Variants in VPS4A observed in about 807,000 individuals in gnomAD.
The protein encoded by VPS4A is vacuolar protein sorting-associated protein 4A.
A neutral mutation model predicts 52.3 loss-of-function variants in VPS4A; 20 were observed. The ratio of observed to expected loss-of-function variants is 0.38; its 90% confidence interval spans 0.27 to 0.56. The LOEUF is 0.56. Ranked by LOEUF, VPS4A falls within the 20% of genes least tolerant of loss-of-function variation. The pLI is 0.72. For synonymous variants in VPS4A, 293 were observed against 227.7 expected (o/e 1.29, Z -2.58); for missense variants, 419 against 575.9 (o/e 0.73, Z 2.79).
chr16:69,319,102 G>A (rs977145491), intron 5 of VPS4A, among the ~76,000 whole-genome samples, 160 bp downstream of exon 5: 3 of 152,140 alleles, frequency 2.0e-5, no homozygotes, highest in African/African-American at 7.2e-5. Flanking sequence ...TGTGGCTGGA[G>A]CTATGAGATG....
rs1965458793 is a variant in VPS4A, at chr16:69,317,951, C to G, written c.282-699C>G. Among the ~76,000 whole-genome samples, 5 of 114,346 alleles carry G rather than the reference C, an allele frequency of 4.4e-5. No homozygotes were observed. In the South Asian group the frequency reaches 1.6e-3, roughly 37 times the overall value. The allele number at this position is 114,346 out of a possible 152,430, so 75.0% of individuals were successfully genotyped here. ...CATCGCACTCCAACCTGGGCACCAT[C>G]TCAAAAAAAAAAAAAAAAAAAAAAG... On this transcript the variant is annotated intron_variant, in intron 3 of 10. Coordinates refer to ENST00000254950, the MANE Select transcript of VPS4A (RefSeq NM_013245.3).
intron 1 of VPS4A, 107 bp from the exon 2 acceptor site, chr16:69,315,901 C>G (rs1018671487): frequency 7.8e-6 from 7 of 897,138 alleles, no homozygotes; most frequent in East Asian, 2.5e-5. Context: ...AGCAATAAAT[C>G]CACAGGCCCA....
intron 5 of VPS4A, among the ~76,000 whole-genome samples, 180 bp from the exon 6 acceptor site, chr16:69,319,207 G>C (rs999031390): frequency 4.6e-5 from 7 of 152,198 alleles, no homozygotes; most frequent in Non-Finnish European, 1.0e-4. Flanking sequence ...CACTGTGCAA[G>C]GTCATGGGGT....
Position 69,321,169 on chromosome 16 carries a change from C to G in VPS4A, c.970C>G (p.Arg324Gly). ...LTDANIHELA[R>G]KTEGYSGADI... ...GGATGCAAACATCCACGAGCTGGCCCGGAAGACGGAAGGCTACTCGGGCGC... is the reference window on the plus strand; with the variant it reads ...GGATGCAAACATCCACGAGCTGGCCGGGAAGACGGAAGGCTACTCGGGCGC... Residue 324 changes from arginine (R) to glycine (G), a missense_variant, in exon 9 of 11, where the codon CGG becomes GGG. By Grantham distance (125) the Arg-to-Gly change is moderately radical (BLOSUM62 -2). Transcript: ENST00000254950. This position sits in a 1 kb window ranked among gnomAD's most constrained non-coding sequence, Gnocchi z 4.5. The G allele has an allele frequency of 1.3e-6, 2 of 1,577,944 alleles. No homozygotes were observed. Among genetic ancestry groups the G allele is most frequent in the East Asian group, 2.4e-5 (1 of 42,552 alleles).
intron 1 of VPS4A, 59 bp from the exon 2 acceptor site, chr16:69,315,949 A>T: frequency 6.8e-7 from 1 of 1,462,258 alleles, no homozygotes; most frequent in Non-Finnish European, 9.5e-7. Flanking sequence ...CATGCCTGTG[A>T]CCCCAGGGAC....
intron 6 of VPS4A, 142 bp downstream of exon 6, chr16:69,319,685 G>A (rs549312887): frequency 2.4e-5 from 28 of 1,159,364 alleles, no homozygotes; most frequent in Admixed American, 8.0e-5. Context: ...CTAGCTTATC[G>A]GCTGGGACAC....
At chr16:69,315,008 T>C (rs1597211126) in intron 1 of VPS4A, among the ~76,000 whole-genome samples, 1 of 151,828 alleles carries the variant, frequency 6.6e-6, no homozygotes, top group African/African-American at 2.4e-5. Flanking sequence ...CCAAGGCGGG[T>C]GGATCACTTG....
Position 69,324,195 on chromosome 16 carries a change from G to T in VPS4A, c.1213-13G>T. On this transcript the variant is annotated splice_polypyrimidine_tract_variant and intron_variant, in intron 10 of 10. Transcript: ENST00000254950. ...CCTGGCTCCTGCTCAGGCACATACT[G>T]TTGCCTTCACAGTCGGACATGCTGC... is the stretch of plus-strand genomic sequence containing the variant. 1 of 1,610,850 alleles carries T rather than the reference G, an allele frequency of 6.2e-7. No individual in the cohort carries two copies. The highest frequency in any genetic ancestry group is 8.5e-7 in the Non-Finnish European group (1 of 1,178,454).
chr16:69,321,418 G>T lies in VPS4A; in HGVS notation c.1071+148G>T. The T allele has an allele frequency of 1.2e-6, 1 of 825,776 alleles. No homozygotes were observed. The highest frequency in any genetic ancestry group is 1.9e-6 in the Non-Finnish European group (1 of 535,736). The allele number at this position is 825,776 out of a possible 1,614,324, so 51.2% of individuals were successfully genotyped here. On this transcript the variant is annotated intron_variant, in intron 9 of 10. Coordinates refer to ENST00000254950, the MANE Select transcript of VPS4A (RefSeq NM_013245.3). The surrounding 1 kb of genome is among the most constrained non-coding windows in gnomAD (Gnocchi z 4.5). ...TGGAGAGCCGAGGGCCAGTGCCATG[G>T]GGGCTGCACCCACTGTCCCCTCCCT...
At chr16:69,311,681 C>T (rs558130574) in intron 1 of VPS4A, 149 bp downstream of exon 1, 7 of 862,960 alleles carry the variant, frequency 8.1e-6, no homozygotes, top group East Asian at 3.9e-5. Context: ...CGCTTCCGCC[C>T]GTGTCTGTTT....
In VPS4A at chr16:69,321,328, T is replaced by G; in HGVS notation, c.1071+58T>G. 6.6e-7 allele frequency: 1 copy of G among 1,516,594 alleles called. No individual in the cohort carries two copies. The highest frequency in any genetic ancestry group is 2.0e-5 in the Admixed American group (1 of 50,002). The allele number at this position is 1,516,594 out of a possible 1,614,324, so 93.9% of individuals were successfully genotyped here. A position where few individuals can be genotyped will look rare whatever the true frequency, so the allele number is the denominator to read the frequency against. On this transcript the variant is annotated intron_variant, in intron 9 of 10. Transcript: ENST00000254950. The surrounding 1 kb of genome is among the most constrained non-coding windows in gnomAD (Gnocchi z 4.5). ...TCATAGTAAGAGCGGGATGTTCGGT[T>G]TTTTTTTTCCCAGCTCCTGGTCCTG...
At position 69,321,587 on chromosome 16, in the gene VPS4A, G is replaced by A. The variant is rs1457662764; in HGVS notation, c.1071+317G>A. The A allele has an allele frequency of 4.2e-5, 16 of 376,742 alleles. No homozygotes were observed. The Admixed American group carries it at 5.3e-4, about 12-fold the overall frequency. The allele number at this position is 376,742 out of a possible 1,614,324, so 23.3% of individuals were successfully genotyped here. On this transcript the variant is annotated intron_variant, in intron 9 of 10. Transcript: ENST00000254950. This position sits in a 1 kb window ranked among gnomAD's most constrained non-coding sequence, Gnocchi z 4.5. ...GACACCAAATCAGTGTTTGGAAAGT[G>A]TTGGATATAAAATGACCAGGAAGAC...
Position 69,320,843 on chromosome 16 carries a change from G to T in VPS4A, c.851+74G>T. The T allele has an allele frequency of 6.8e-7, 1 of 1,461,732 alleles. No homozygotes were observed. The highest frequency in any genetic ancestry group is 9.4e-7 in the Non-Finnish European group (1 of 1,068,036). 90.5% of individuals were successfully genotyped at this position (1,461,732 alleles called of 1,614,324 possible). ...GGTCACGGTCCGCCTGCTGCTGGCA[G>T]CCCGGGTGCAGCCTGGCCCCTTTTC... On this transcript the variant is annotated intron_variant, in intron 8 of 10. Coordinates refer to ENST00000254950, the MANE Select transcript of VPS4A (RefSeq NM_013245.3). The surrounding 1 kb of genome is among the most constrained non-coding windows in gnomAD (Gnocchi z 4.2).
intron 1 of VPS4A, among the ~76,000 whole-genome samples, chr16:69,314,713 T>C (rs1965414919): frequency 6.6e-6 from 1 of 152,168 alleles, no homozygotes; most frequent in Non-Finnish European, 1.5e-5. Context: ...TCTGTGTGTG[T>C]TTCTTTCGGA....
intron 3 of VPS4A, 71 bp from the exon 4 acceptor site, chr16:69,318,579 T>TGGA (rs2143257434): frequency 6.5e-7 from 1 of 1,531,524 alleles, no homozygotes; most frequent in African/African-American, 1.4e-5. Flanking sequence ...CAGCGGAGCC[T>TGGA]GGACTTGCTG....
In VPS4A at chr16:69,319,551, G is replaced by A. The variant is rs767390864; in HGVS notation, c.620+8G>A. ...GCTGGGGGAGAGTGAAAAGTAAGTC[G>A]GCCACCAGGCCATGCTCTGCCAGCA... is the stretch of plus-strand genomic sequence containing the variant. On this transcript the variant is annotated splice_region_variant and intron_variant, in intron 6 of 10. Coordinates refer to ENST00000254950, the MANE Select transcript of VPS4A (RefSeq NM_013245.3). 2.2e-5 allele frequency: 36 copies of A among 1,607,394 alleles called. No individual in the cohort carries two copies. Among genetic ancestry groups the A allele is most frequent in the Non-Finnish European group, 2.5e-5 (29 of 1,177,152 alleles).
chr16:69,311,507 A>G lies in VPS4A; in HGVS notation c.-5A>G. On this transcript the variant is annotated 5_prime_UTR_variant, in exon 1 of 11. The change abolishes an upstream ATG in the 5' untranslated region. Coordinates refer to ENST00000254950, the MANE Select transcript of VPS4A (RefSeq NM_013245.3). The stretch of plus-strand genomic sequence containing the variant: ...GCGGGGTGTGGGGCGGACCCAGGAG[A>G]TGAAATGACAACGTCAACCCTCCAG... 7.4e-7 allele frequency: 1 copy of G among 1,357,248 alleles called. No individual in the cohort carries two copies. Among genetic ancestry groups the G allele is most frequent in the Admixed American group, 2.7e-5 (1 of 37,252 alleles). 84.1% of individuals were successfully genotyped at this position (1,357,248 alleles called of 1,614,324 possible).
chr16:69,319,648 G>T (rs1213243226), intron 6 of VPS4A, 105 bp downstream of exon 6: 2 of 1,434,316 alleles, frequency 1.4e-6, no homozygotes, highest in Non-Finnish European at 1.9e-6. Flanking sequence ...TTGGTTTTCA[G>T]GGAGGGTACC....
rs1020096556 is a variant in VPS4A at position 69,318,418 on chromosome 16, G to A, written c.282-232G>A. 3.5e-4 allele frequency among the ~76,000 whole-genome samples: 53 copies of A among 152,224 alleles called. 1 individual carries two copies. Among genetic ancestry groups the A allele is most frequent in the Non-Finnish European group, 5.9e-5 (4 of 68,046 alleles). ...GCCGACCCGGATTCCCATCTGCTCC[G>A]CGAAGAAACAGGGCGGGTTATAGGA... On this transcript the variant is annotated intron_variant, in intron 3 of 10. Coordinates refer to ENST00000254950, the MANE Select transcript of VPS4A (RefSeq NM_013245.3).
Sources: gnomAD v4.1 joint callset for allele counts (sites outside exome capture counted in the v4.1 genomes callset) on GRCh38, gnomAD v4.1.1 for gene constraint, Gnocchi (gnomAD v3.1) non-coding constraint, MANE v1.5 for transcripts, NCBI Gene and HGNC (gene_info 2026-07-23, HGNC 2026-07-21) for gene names.